The following PTAFR variants were observed in gnomAD, a reference collection of about 807,000 sequenced individuals.
The protein encoded by PTAFR is platelet activating factor receptor, also known as platelet-activating factor receptor.
In PTAFR, 8 loss-of-function variants were observed where a neutral mutation model predicts 14.7. The ratio of observed to expected loss-of-function variants is 0.54; its 90% CI spans 0.32 to 0.98. PTAFR has a LOEUF of 0.98. PTAFR is among the 50% of genes least tolerant of loss of function. The pLI is 0.04. For missense variants in PTAFR, 337 were observed against 451.2 expected, an observed-to-expected ratio of 0.75 and a Z score of 2.29; for synonymous variants, 156 against 176.5, an observed-to-expected ratio of 0.88 and a Z score of 0.92.
intron 1 of PTAFR, among the ~76,000 whole-genome samples, chr1:28,184,476 G>C (rs1460764486): frequency 1.3e-5 from 2 of 152,078 alleles, no homozygotes; most frequent in Admixed American, 6.6e-5. Context: ...GCCCCCCAGG[G>C]CCTTCCATCT....
chr1:28,187,980 C>G (rs1646620489), intron 1 of PTAFR, among the ~76,000 whole-genome samples: 1 of 147,756 alleles, frequency 6.8e-6, no homozygotes, highest in South Asian at 2.2e-4. Context: ...GGGTTCAAAA[C>G]CAGCCTGGGC....
At chr1:28,172,345 A>G (rs1250886653) in intron 1 of PTAFR, among the ~76,000 whole-genome samples, 1 of 152,124 alleles carries the variant, frequency 6.6e-6, no homozygotes, top group Non-Finnish European at 1.5e-5. Context: ...AATCACGCTG[A>G]CATCTTCCCA....
intron 1 of PTAFR, among the ~76,000 whole-genome samples, chr1:28,151,703 G>A (rs989532383): frequency 1.3e-5 from 2 of 152,048 alleles, no homozygotes; most frequent in African/African-American, 4.8e-5. Flanking sequence ...GGGGCTCAAG[G>A]TTGAAGAAAG....
intron 1 of PTAFR, among the ~76,000 whole-genome samples, chr1:28,159,769 T>G (rs1408472927): frequency 6.6e-6 from 1 of 150,630 alleles, no homozygotes; most frequent in Non-Finnish European, 1.5e-5. Context: ...GAGGTTGCAG[T>G]GAGCCGAGAT....
At chr1:28,178,220 CA>C (rs1050904420), upstream of PTAFR, among the ~76,000 whole-genome samples, 1 of 152,022 alleles carries the variant, frequency 6.6e-6, no homozygotes, top group Non-Finnish European at 1.5e-5. Flanking sequence ...TTATCAAAGC[CA>C]AAAATGGCTC....
At chr1:28,187,275 G>C (rs1646614643) in intron 1 of PTAFR, among the ~76,000 whole-genome samples, 2 of 152,104 alleles carry the variant, frequency 1.3e-5, no homozygotes, top group South Asian at 4.1e-4. Context: ...ATGGAAACTT[G>C]ACACATATGA....
chr1:28,173,696 T>C (rs982050238), intron 1 of PTAFR, among the ~76,000 whole-genome samples: 2 of 150,202 alleles, frequency 1.3e-5, no homozygotes, highest in Non-Finnish European at 3.0e-5. Context: ...TGCACAAATT[T>C]GGTTTTGACA....
intron 1 of PTAFR, among the ~76,000 whole-genome samples, chr1:28,157,190 A>G (rs1488246356): frequency 1.3e-5 from 2 of 152,118 alleles, no homozygotes; most frequent in Non-Finnish European, 2.9e-5. Flanking sequence ...CCCAGACTGG[A>G]GTGCAGTGGC....
chr1:28,181,895 A>G (rs1646565902), intron 1 of PTAFR, among the ~76,000 whole-genome samples: 1 of 152,134 alleles, frequency 6.6e-6, no homozygotes, highest in African/African-American at 2.4e-5. Context: ...GGATCACTTG[A>G]CACAGGAGTT....
upstream of PTAFR, among the ~76,000 whole-genome samples, chr1:28,180,436 A>G (rs1489736454): frequency 1.3e-5 from 2 of 152,162 alleles, no homozygotes; most frequent in Non-Finnish European, 2.9e-5. Context: ...GCAGGGAGGG[A>G]ACCAGGAAAT....
At chr1:28,154,334 G>A (rs962535796) in intron 1 of PTAFR, among the ~76,000 whole-genome samples, 3 of 152,282 alleles carry the variant, frequency 2.0e-5, no homozygotes, top group African/African-American at 7.2e-5. Flanking sequence ...ATCCAGCTCT[G>A]TTCTTTCACA....
At chr1:28,153,788 C>T (rs1291840116) in intron 1 of PTAFR, among the ~76,000 whole-genome samples, 10 of 151,140 alleles carry the variant, frequency 6.6e-5, no homozygotes, top group East Asian at 2.0e-4. Flanking sequence ...CTCTGGAGGC[C>T]GAGGCAGGAG....
chr1:28,189,741 C>T (rs1646637117), intron 1 of PTAFR, among the ~76,000 whole-genome samples: 2 of 151,810 alleles, frequency 1.3e-5, no homozygotes, highest in African/African-American at 4.8e-5. Flanking sequence ...TCTTGGCTCA[C>T]TGCAACCTCC....
chr1:28,178,922 G>C (rs764141445), upstream of PTAFR, among the ~76,000 whole-genome samples: 26 of 152,048 alleles, frequency 1.7e-4, no homozygotes, highest in Admixed American at 3.3e-4. Context: ...GGGAGACCAA[G>C]GCAGGAGGAT....
intron 1 of PTAFR, among the ~76,000 whole-genome samples, chr1:28,153,581 CAAAAAAAAAA>C (rs36049566): frequency 4.0e-3 from 253 of 62,688 alleles, no homozygotes; most frequent in Non-Finnish European, 6.3e-3. Context: ...CCTGTCTCTA[CAAAAAAAAAA>C]AAAAAAAAAA....
intron 1 of PTAFR, among the ~76,000 whole-genome samples, chr1:28,173,640 G>C (rs1646478087): frequency 7.0e-6 from 1 of 142,908 alleles, no homozygotes; most frequent in Non-Finnish European, 1.5e-5. Flanking sequence ...GACAGAGCAA[G>C]ACTCTGTCTC....
intron 1 of PTAFR, among the ~76,000 whole-genome samples, chr1:28,172,174 C>T (rs1646460661): frequency 6.6e-6 from 1 of 152,158 alleles, no homozygotes; most frequent in South Asian, 2.1e-4. Context: ...TGCCACCATG[C>T]CTGGCTAATT....
upstream of PTAFR, among the ~76,000 whole-genome samples, chr1:28,181,329 G>A (rs765308794): frequency 1.3e-5 from 2 of 152,170 alleles, no homozygotes; most frequent in Non-Finnish European, 2.9e-5. Context: ...CAAGGAAACC[G>A]AAACAGAATC....
At chr1:28,189,039 T>A (rs939539525) in intron 1 of PTAFR, among the ~76,000 whole-genome samples, 9 of 152,266 alleles carry the variant, frequency 5.9e-5, no homozygotes, top group African/African-American at 2.2e-4. Flanking sequence ...TACAGAGCGA[T>A]GGAAACTCTC....
Sources: allele counts gnomAD v4.1 joint callset (sites outside exome capture counted in the v4.1 genomes callset), GRCh38; gene constraint gnomAD v4.1.1; transcripts MANE v1.5; gene names NCBI Gene and HGNC (gene_info 2026-07-23, HGNC 2026-07-21).